ATG12: variants seen among roughly 807,000 people sequenced by gnomAD.
The protein encoded by ATG12 is autophagy related 12, also known as ubiquitin-like protein ATG12.
A neutral mutation model predicts 17.6 loss-of-function variants in ATG12; 19 were observed. The observed-to-expected ratio is 1.08, with a 90% CI of 0.75 to 1.58. The LOEUF (loss-of-function observed/expected upper bound fraction) is 1.58, where lower values mean the gene tolerates loss of function less well. ATG12 is among the 40% of genes most tolerant of loss of function. ATG12 has a pLI of 0.00. For synonymous variants in ATG12, 75 were observed against 62.4 expected, an observed-to-expected ratio of 1.20 and a Z score of -0.95; for missense variants, 214 against 162.0, an observed-to-expected ratio of 1.32 and a Z score of -1.74.
At position 115,830,765 on chromosome 5, in the gene ATG12, C is replaced by T. The variant is rs1410550639; in HGVS notation, c.*1039G>A. The T allele has an allele frequency of 6.6e-6, 1 of 152,092 alleles. No individual in the cohort carries two copies. Among genetic ancestry groups the T allele is most frequent in the Non-Finnish European group, 1.5e-5 (1 of 68,024 alleles). 9.4% of individuals were successfully genotyped at this position (152,092 alleles called of 1,614,324 possible). On this transcript the variant is annotated 3_prime_UTR_variant, in exon 4 of 4. Coordinates refer to ENST00000509910, the MANE Select transcript of ATG12 (RefSeq NM_004707.4). ...CTTGTGGCTTCACGCAATCCCCACA[C>T]CTCAGCCTTCCAAAGTGCTGGGATT...
intron 2 of ATG12, among the ~76,000 whole-genome samples, chr5:115,836,895 TG>T (rs1344534420): frequency 2.0e-5 from 3 of 152,240 alleles, no homozygotes; most frequent in Non-Finnish European, 4.4e-5. Flanking sequence ...TTACTACAAC[TG>T]CCACTGTGAA....
rs1278806605 is a variant in ATG12 at position 115,830,469 on chromosome 5, C to T, written c.*1335G>A. 1.3e-5 allele frequency: 2 copies of T among 152,154 alleles called. No homozygotes were observed. Among genetic ancestry groups the T allele is most frequent in the Non-Finnish European group, 2.9e-5 (2 of 68,016 alleles). The allele number at this position is 152,154 out of a possible 1,614,324, so 9.4% of individuals were successfully genotyped here. A position where few individuals can be genotyped will look rare whatever the true frequency, so the allele number is the denominator to read the frequency against. On this transcript the variant is annotated 3_prime_UTR_variant, in exon 4 of 4. Coordinates refer to ENST00000509910, the MANE Select transcript of ATG12 (RefSeq NM_004707.4). ...CTCATTTAACTTTAAAATGATATTA[C>T]TTTGAATTCTACTACATACCATCTT... is the stretch of plus-strand genomic sequence containing the variant.
At chr5:115,836,380 T>G (rs538176073) in intron 2 of ATG12, among the ~76,000 whole-genome samples, 8 of 152,348 alleles carry the variant, frequency 5.3e-5, no homozygotes, top group Admixed American at 4.6e-4. Context: ...ATTAAATTAC[T>G]CAGTACTCTT....
At chr5:115,834,914 T>C (rs1257739041) in intron 2 of ATG12, 1 of 152,186 alleles carries the variant, frequency 6.6e-6, no homozygotes, top group East Asian at 1.9e-4. Context: ...TTCAAATCTC[T>C]TACCTTAAAT....
intron 1 of ATG12, 77 bp downstream of exon 1, chr5:115,841,313 C>T (rs544258169): frequency 1.9e-6 from 3 of 1,589,966 alleles, no homozygotes; most frequent in East Asian, 2.2e-5. Flanking sequence ...CTAAATTTTG[C>T]TTCTTTACTG....
chr5:115,833,899 G>A (rs1270915712), intron 2 of ATG12: 1 of 152,170 alleles, frequency 6.6e-6, no homozygotes, highest in African/African-American at 2.4e-5. Flanking sequence ...TAACAGCTTA[G>A]TTTATCAGTG....
chr5:115,832,798 C>T (rs2112719445), intron 2 of ATG12, 134 bp from the exon 3 acceptor site: 2 of 799,988 alleles, frequency 2.5e-6, no homozygotes, highest in Non-Finnish European at 3.7e-6. Context: ...CCTAACTTTT[C>T]TAAATAGTCA....
intron 3 of ATG12, among the ~76,000 whole-genome samples, chr5:115,832,182 A>ATT (rs1042211154): frequency 3.3e-5 from 5 of 151,030 alleles, no homozygotes; most frequent in African/African-American, 1.2e-4. Flanking sequence ...GTGTACTCTA[A>ATT]TAACTATTAC....
chr5:115,841,086 C>T (rs1465862988), intron 1 of ATG12: 2 of 343,554 alleles, frequency 5.8e-6, no homozygotes, highest in South Asian at 2.1e-5. Context: ...CCCCCTCCCC[C>T]CGCCCCACTC....
At chr5:115,840,897 A>C (rs1300511846) in intron 1 of ATG12, 1 of 1,288,404 alleles carries the variant, frequency 7.8e-7, no homozygotes, top group African/African-American at 1.5e-5. Context: ...TCTGCATAAG[A>C]ATTTGGTTTT....
Position 115,841,405 on chromosome 5 carries a change from C to A in ATG12, c.148G>T (p.Asp50Tyr). 5 of 1,610,762 alleles carry A rather than the reference C, an allele frequency of 3.1e-6. No individual in the cohort carries two copies. The highest frequency in any genetic ancestry group is 4.2e-6 in the Non-Finnish European group (5 of 1,179,330). ...ATTCAGTTACTTTTTTTCTTGGTGT[C>A]GCCAGCAGGTTCCTCTGTTCCCGGG... The part of the protein sequence containing the change: ...VSPGTEEPAG[D>Y]TKKKIDILLK... Residue 50 changes from aspartate (D) to tyrosine (Y), a missense_variant, in exon 1 of 4, where the codon GAC becomes TAC. Transcript: ENST00000509910.
At chr5:115,832,758 T>C in intron 2 of ATG12, 94 bp from the exon 3 acceptor site, 2 of 1,228,280 alleles carry the variant, frequency 1.6e-6, no homozygotes, top group Non-Finnish European at 2.2e-6. Context: ...TTTGTATTGT[T>C]TTCACAATTG....
intron 2 of ATG12, among the ~76,000 whole-genome samples, 195 bp downstream of exon 2, chr5:115,837,433 C>T (rs1761151165): frequency 6.6e-6 from 1 of 151,364 alleles, no homozygotes; most frequent in Non-Finnish European, 1.5e-5. Context: ...CAGTGTGTCA[C>T]TGCACTCCAG....
At chr5:115,840,866 C>T in intron 1 of ATG12, 1 of 1,280,468 alleles carries the variant, frequency 7.8e-7, no homozygotes, top group Non-Finnish European at 1.0e-6. Flanking sequence ...ATGCCTTTAG[C>T]TTTCCCTTAG....
At chr5:115,836,714 G>A (rs1233817683) in intron 2 of ATG12, among the ~76,000 whole-genome samples, 3 of 152,060 alleles carry the variant, frequency 2.0e-5, no homozygotes, top group African/African-American at 4.8e-5. Flanking sequence ...ATCCACTCAT[G>A]CTATCTGAGT....
rs184445715 is a variant in ATG12, at chr5:115,840,811, A to G, written c.163+579T>C. 2.6e-4 allele frequency: 320 copies of G among 1,218,682 alleles called. 1 individual carries two copies. In the African/African-American group the frequency reaches 4.6e-3, roughly 18 times the overall value. The allele number at this position is 1,218,682 out of a possible 1,614,324, so 75.5% of individuals were successfully genotyped here. A position where few individuals can be genotyped will look rare whatever the true frequency, so the allele number is the denominator to read the frequency against. On this transcript the variant is annotated intron_variant, in intron 1 of 3. Coordinates refer to ENST00000509910, the MANE Select transcript of ATG12 (RefSeq NM_004707.4). Reference sequence around the variant, plus strand: ...GGATAGCTGACTCAAGCAATGAAATAACTCACAAAGGTTCCAAAATGTGTT... The same window carrying G: ...GGATAGCTGACTCAAGCAATGAAATGACTCACAAAGGTTCCAAAATGTGTT...
At position 115,828,946 on chromosome 5, in the gene ATG12, G is replaced by T. The variant is rs1297340657; in HGVS notation, c.*2858C>A. 1 of 152,166 alleles carries T rather than the reference G, an allele frequency of 6.6e-6. No homozygotes were observed. Among genetic ancestry groups the T allele is most frequent in the Admixed American group, 6.5e-5 (1 of 15,284 alleles). 9.4% of individuals were successfully genotyped at this position (152,166 alleles called of 1,614,324 possible). On this transcript the variant is annotated 3_prime_UTR_variant, in exon 4 of 4. Transcript: ENST00000509910. ...CTTTAAAAAGTTAAAATCTGAATCA[G>T]GCCTTGAAGAAGAGTTAGGATTTGA...
In ATG12 at chr5:115,829,644, T is replaced by TC. The variant is rs1561448160; in HGVS notation, c.*2159dup. 6.6e-6 allele frequency: 1 copy of TC among 152,308 alleles called. No homozygotes were observed. Among genetic ancestry groups the TC allele is most frequent in the African/African-American group, 2.4e-5 (1 of 41,574 alleles). The allele number at this position is 152,308 out of a possible 1,614,324, so 9.4% of individuals were successfully genotyped here. A position where few individuals can be genotyped will look rare whatever the true frequency, so the allele number is the denominator to read the frequency against. On this transcript the variant is annotated 3_prime_UTR_variant, in exon 4 of 4. Coordinates refer to ENST00000509910, the MANE Select transcript of ATG12 (RefSeq NM_004707.4). ...AAATATCACCTGAATGTTCAGTTTT[T>TC]CCCCCAAGTTTAATCAGACTTGAGA... is the stretch of plus-strand genomic sequence containing the variant.
chr5:115,833,792 T>C (rs1193280109), intron 2 of ATG12: 1 of 152,204 alleles, frequency 6.6e-6, no homozygotes, highest in Non-Finnish European at 1.5e-5. Context: ...TGTGAATTTT[T>C]TGTAATACAG....
Sources: gnomAD v4.1 joint callset for allele counts (sites outside exome capture counted in the v4.1 genomes callset) on GRCh38, gnomAD v4.1.1 for gene constraint, MANE v1.5 for transcripts, NCBI Gene and HGNC (gene_info 2026-07-23, HGNC 2026-07-21) for gene names.